The following ARID4A variants were observed in gnomAD, a reference collection of about 807,000 sequenced individuals.
ARID4A encodes AT-rich interactive domain-containing protein 4A.
Under a neutral mutation model 148.6 loss-of-function variants are expected in ARID4A, and 39 were observed. The observed-to-expected ratio is 0.26, with a 90% CI of 0.20 to 0.34. ARID4A has a LOEUF of 0.34. ARID4A is among the 10% of genes least tolerant of loss of function. The probability of loss-of-function intolerance (pLI) is 1.00; values close to 1 mark genes in which losing one functional copy is unlikely to be tolerated. For synonymous variants in ARID4A, 475 were observed against 481.2 expected (o/e 0.99, Z 0.17); for missense variants, 1,265 against 1,449.1 (o/e 0.87, Z 2.06).
intron 5 of ARID4A, among the ~76,000 whole-genome samples, chr14:58,310,123 G>A (rs1737764065): frequency 6.6e-6 from 1 of 151,938 alleles, no homozygotes; most frequent in African/African-American, 2.4e-5. Flanking sequence ...TTTTTAAATG[G>A]CCTTCCCTAA....
Position 58,318,590 on chromosome 14 carries a change from T to C in ARID4A, c.323T>C (p.Leu108Pro), listed in dbSNP as rs1011353836. 6.2e-7 allele frequency: 1 copy of C among 1,614,202 alleles called. No homozygotes were observed. The highest frequency in any genetic ancestry group is 8.5e-7 in the Non-Finnish European group (1 of 1,180,024). Residue 108 changes from leucine to proline, a missense_variant, in exon 6 of 24, where the codon CTG becomes CCG. Leu to Pro is a moderately conservative substitution (Grantham distance 98). Around this residue, in one of 9 missense-constraint regions of ARID4A, gnomAD observed 21 missense variants for 36.5 expected, o/e 0.58. Transcript: ENST00000355431. Reference protein sequence around the residue: ...ERTLRRTSLCLKGERHFAESE... With the variant: ...ERTLRRTSLCPKGERHFAESE... ...ACATTGAGACGTACCTCACTTTGTCTGAAAGGAGAGAGACATTTTGCAGAG... is the reference window on the plus strand; with the variant it reads ...ACATTGAGACGTACCTCACTTTGTCCGAAAGGAGAGAGACATTTTGCAGAG...
At chr14:58,300,014 A>C (rs1270504966) in intron 2 of ARID4A, among the ~76,000 whole-genome samples, 154 bp downstream of exon 2, 2 of 152,166 alleles carry the variant, frequency 1.3e-5, no homozygotes, top group Non-Finnish European at 2.9e-5. Flanking sequence ...TGGGTGAAAA[A>C]TGATCTGTGT....
chr14:58,337,089 A>T (rs2033854549), intron 11 of ARID4A, among the ~76,000 whole-genome samples: 1 of 150,216 alleles, frequency 6.7e-6, no homozygotes. Flanking sequence ...ACGAGGTTTC[A>T]CCATGTTGGC....
chr14:58,320,760 A>G (rs1429304598), intron 7 of ARID4A, among the ~76,000 whole-genome samples: 1 of 151,892 alleles, frequency 6.6e-6, no homozygotes, highest in Non-Finnish European at 1.5e-5. Context: ...GTCGTCCACC[A>G]CGACGCCTGG....
intron 8 of ARID4A, among the ~76,000 whole-genome samples, chr14:58,325,958 G>A (rs2033185368): frequency 1.3e-5 from 2 of 151,800 alleles, no homozygotes; most frequent in Admixed American, 1.3e-4. Context: ...TACATTTGAC[G>A]ATTTTATGTA....
At chr14:58,359,074 A>G (rs1010007416) in intron 17 of ARID4A, 58 bp from the exon 18 acceptor site, 17 of 1,511,644 alleles carry the variant, frequency 1.1e-5, no homozygotes, top group African/African-American at 1.4e-5. Context: ...ATACATTTCA[A>G]AAAGGTTATA....
chr14:58,360,968 C>G lies in ARID4A; in HGVS notation c.2006C>G (p.Pro669Arg). ...EERQKSKRGR[P>R]PLKSTLSSNM... ...AGGCAGAAGTCAAAACGGGGACGAC[C>G]TCCTTTAAAATCAACCCTCTCATCA... The change falls in exon 19 of 24, where the codon CCT (proline) becomes CGT (arginine). Residue 669 changes from proline (P) to arginine (R), a missense_variant. Pro to Arg is a moderately radical substitution (Grantham distance 103, BLOSUM62 -2). This residue lies in a region of ARID4A where 666 missense variants were observed against 730.9 expected (regional missense o/e 0.91). Coordinates refer to ENST00000355431, the MANE Select transcript of ARID4A (RefSeq NM_002892.4). 1 of 1,614,054 alleles carries G rather than the reference C, an allele frequency of 6.2e-7. No individual in the cohort carries two copies. The highest frequency in any genetic ancestry group is 8.5e-7 in the Non-Finnish European group (1 of 1,180,004).
At chr14:58,367,318 T>A (rs929489364) in intron 23 of ARID4A, among the ~76,000 whole-genome samples, 2 of 152,246 alleles carry the variant, frequency 1.3e-5, no homozygotes, top group Non-Finnish European at 2.9e-5. Context: ...CAAACATTTA[T>A]TGGCATCTAT....
At chr14:58,322,540 C>G (rs1188825401) in intron 7 of ARID4A, among the ~76,000 whole-genome samples, 1 of 151,682 alleles carries the variant, frequency 6.6e-6, no homozygotes, top group Non-Finnish European at 1.5e-5. Context: ...AAGTCTATGA[C>G]AAGAAAAAAA....
chr14:58,347,113 A>C lies in ARID4A; in HGVS notation c.1168A>C (p.Arg390=). 1 of 1,508,166 alleles carries C rather than the reference A, an allele frequency of 6.6e-7. No homozygotes were observed. The highest frequency in any genetic ancestry group is 2.0e-4 in the Middle Eastern group (1 of 4,972). 93.4% of individuals were successfully genotyped at this position (1,508,166 alleles called of 1,614,324 possible). A position where few individuals can be genotyped will look rare whatever the true frequency, so the allele number is the denominator to read the frequency against. Residue 390 remains arginine, a synonymous_variant, in exon 14 of 24, where the codon AGA becomes CGA. Transcript: ENST00000355431. ...AASYNVKTAY[R]KYLYGFEEYC... The stretch of plus-strand genomic sequence containing the variant: ...TTCCTACAATGTAAAAACTGCTTAT[A>C]GAAAGTAAGTAGTATAGTTTATTCA...
chr14:58,299,630 C>T (rs2030949373), intron 1 of ARID4A, 168 bp from the exon 2 acceptor site: 2 of 608,142 alleles, frequency 3.3e-6, no homozygotes, highest in Non-Finnish European at 2.9e-6. Context: ...TCGTGGGGTT[C>T]TCGCTGCCCC....
chr14:58,337,267 T>TATATATATATATAA (rs1411261595), intron 11 of ARID4A, among the ~76,000 whole-genome samples: 1 of 137,758 alleles, frequency 7.3e-6, no homozygotes, highest in South Asian at 2.3e-4. Context: ...TATATATATA[T>TATATATATATATAA]AATTAAAACC....
At chr14:58,309,274 C>A (rs79023949) in intron 5 of ARID4A, among the ~76,000 whole-genome samples, 10 of 152,324 alleles carry the variant, frequency 6.6e-5, no homozygotes, top group Non-Finnish European at 1.3e-4. Context: ...AGCCACTGCT[C>A]TCAGCTTCCC....
At chr14:58,334,036 A>C (rs536833260) in intron 11 of ARID4A, among the ~76,000 whole-genome samples, 130 of 152,266 alleles carry the variant, frequency 8.5e-4, no homozygotes, top group Non-Finnish European at 1.4e-3. Context: ...AGCAAACAAA[A>C]ATGCCCTTAT....
chr14:58,323,325 G>A (rs1594895882), intron 7 of ARID4A, among the ~76,000 whole-genome samples, 160 bp from the exon 8 acceptor site: 1 of 152,032 alleles, frequency 6.6e-6, no homozygotes, highest in South Asian at 2.1e-4. Flanking sequence ...CCTCTGTGAG[G>A]CTAAGGAAGG....
rs1051861 is a variant in ARID4A at position 58,371,983 on chromosome 14, C to T, written c.3768C>T (p.Cys1256=). ...SPPQNVLAVE[C]R is the part of the protein sequence containing the mutation. ...CACAAAATGTACTTGCTGTAGAATG[C>T]AGGTGATAAACATTTTCTCTACCTT... The change falls in exon 24 of 24, where the codon TGC becomes TGT. Residue 1256 remains cysteine, a synonymous_variant. Transcript: ENST00000355431. 918,725 of 1,586,676 alleles carry T rather than the reference C, an allele frequency of 0.58. 269,809 individuals carry two copies. Among genetic ancestry groups the T allele is most frequent in the Admixed American group, 0.65 (38,888 of 59,714 alleles).
chr14:58,301,194 T>C (rs1223480636), intron 2 of ARID4A, among the ~76,000 whole-genome samples: 1 of 152,224 alleles, frequency 6.6e-6, no homozygotes, highest in African/African-American at 2.4e-5. Flanking sequence ...GCAATATTTC[T>C]TTTAATTTGA....
intron 2 of ARID4A, among the ~76,000 whole-genome samples, chr14:58,300,088 A>G (rs2031014075): frequency 1.3e-5 from 2 of 152,188 alleles, no homozygotes; most frequent in South Asian, 4.1e-4. Flanking sequence ...GCAGCCTTTC[A>G]ATTGTTGTCC....
intron 11 of ARID4A, among the ~76,000 whole-genome samples, chr14:58,336,417 G>A (rs1196856994): frequency 2.6e-5 from 4 of 152,142 alleles, no homozygotes; most frequent in Non-Finnish European, 5.9e-5. Flanking sequence ...TAGTCATTTT[G>A]ACCTATGGCT....
Sources: gnomAD v4.1 joint callset for allele counts (sites outside exome capture counted in the v4.1 genomes callset) on GRCh38, gnomAD v4.1.1 for gene constraint, gnomAD v4.1.1 regional missense constraint, MANE v1.5 for transcripts, NCBI Gene and HGNC (gene_info 2026-07-23, HGNC 2026-07-21) for gene names.